The following ATM variants were observed in gnomAD, a reference collection of about 807,000 sequenced individuals.
ATM encodes serine-protein kinase ATM.
A neutral mutation model predicts 387.0 loss-of-function variants in ATM; 308 were observed. That is an observed-to-expected ratio of 0.80 (90% CI 0.73 to 0.87). The LOEUF (loss-of-function observed/expected upper bound fraction) is 0.87. ATM is among the 40% of genes least tolerant of loss of function. The probability of loss-of-function intolerance (pLI) is 0.00; values close to 1 mark genes in which losing one functional copy is unlikely to be tolerated. For missense variants in ATM, 3,312 were observed against 3,560.9 expected (o/e 0.93, Z 1.78); for synonymous variants, 1,156 against 1,187.3 (o/e 0.97, Z 0.54).
In ATM at chr11:108,365,423, G is replaced by T. The variant is rs201199629; in HGVS notation, c.9086G>T (p.Gly3029Val). Residue 3029 changes from glycine (G) to valine (V), a missense_variant, in exon 63 of 63, where the codon GGT becomes GTT. Physicochemically the swap from Gly to Val is moderately radical, Grantham distance 109. Transcript: ENST00000675843. ...GAAGAAGGCACTGTGCTCAGTGTTG[G>T]TGGACAAGTGAATTTGCTCATACAG... ...GVEEGTVLSV[G>V]GQVNLLIQQA... is the part of the protein sequence containing the mutation. 1.2e-6 allele frequency: 2 copies of T among 1,614,180 alleles called. No individual in the cohort carries two copies. Among genetic ancestry groups the T allele is most frequent in the Non-Finnish European group, 1.7e-6 (2 of 1,180,034 alleles).
rs770270310 is a variant in ATM at position 108,244,104 on chromosome 11, T to C, written c.648T>C (p.Ala216=). Residue 216 remains alanine (A), a synonymous_variant, in exon 6 of 63, where the codon GCT becomes GCC. Coordinates refer to ENST00000675843, the MANE Select transcript of ATM (RefSeq NM_000051.4). ...NSKFLDFFSK[A]IQCARQEKSS... The stretch of plus-strand genomic sequence containing the variant: ...AATTTTTGGACTTTTTTTCCAAGGC[T>C]ATTCAGTGTGCGAGGTAATCTAATC... 1.9e-6 allele frequency: 3 copies of C among 1,613,880 alleles called. No homozygotes were observed. The highest frequency in any genetic ancestry group is 3.3e-5 in the Admixed American group (2 of 60,002).
chr11:108,305,204 A>G (rs2083625061), intron 37 of ATM, among the ~76,000 whole-genome samples: 1 of 152,218 alleles, frequency 6.6e-6, no homozygotes, highest in Non-Finnish European at 1.5e-5. Flanking sequence ...GGAAAAAACA[A>G]ACACAATCAG....
intron 59 of ATM, among the ~76,000 whole-genome samples, chr11:108,352,940 TATGG>T (rs1436804385): frequency 1.3e-5 from 2 of 152,056 alleles, no homozygotes; most frequent in Non-Finnish European, 2.9e-5. Context: ...GGTGATAGGC[TATGG>T]GAGGGAAATA....
At chr11:108,361,832 T>A (rs375439612) in intron 61 of ATM, among the ~76,000 whole-genome samples, 20 of 151,746 alleles carry the variant, frequency 1.3e-4, no homozygotes, top group South Asian at 6.2e-4. Context: ...TTAGACCTAA[T>A]ACCATAAAAA....
rs587782719 is a variant in ATM at position 108,335,080 on chromosome 11, G to C, written c.8122G>C (p.Asp2708His). 2 of 1,614,116 alleles carry C rather than the reference G, an allele frequency of 1.2e-6. No individual in the cohort carries two copies. The highest frequency in any genetic ancestry group is 1.7e-6 in the Non-Finnish European group (2 of 1,179,996). ...AAAAATAATAGATTGTGTAGGTTCC[G>C]ATGGCAAGGAGAGGAGACAGCTTGT... Reference protein sequence around the residue: ...LPKIIDCVGSDGKERRQLVKG... With the variant: ...LPKIIDCVGSHGKERRQLVKG... Residue 2708 changes from aspartate (D) to histidine (H), a missense_variant, in exon 55 of 63, where the codon GAT (aspartate) becomes CAT (histidine). Asp to His is a moderately conservative substitution (Grantham distance 81). Transcript: ENST00000675843.
rs552105142 is a variant in ATM, at chr11:108,311,873, A to G, written c.5919-538A>G. On this transcript the variant is annotated intron_variant, in intron 39 of 62. Coordinates refer to ENST00000675843, the MANE Select transcript of ATM (RefSeq NM_000051.4). ...CAGAACTGAATGTTATATGTATAAA[A>G]TGCATAAAGTTAAGGCCTTGAAGTA... Among the ~76,000 whole-genome samples, 3 of 152,324 alleles carry G rather than the reference A, an allele frequency of 2.0e-5. No homozygotes were observed. In the South Asian group the frequency reaches 6.2e-4, roughly 32 times the overall value.
intron 38 of ATM, chr11:108,308,991 T>C: frequency 6.6e-7 from 1 of 1,525,812 alleles, no homozygotes; most frequent in Non-Finnish European, 8.8e-7. Flanking sequence ...GGTAGAATGG[T>C]GTTGACATTA....
rs565086962 is a variant in ATM at position 108,330,477 on chromosome 11, C to A, written c.7515+56C>A. 4.4e-5 allele frequency: 68 copies of A among 1,547,858 alleles called. 1 individual carries two copies. In the Middle Eastern group the frequency reaches 5.1e-4, roughly 12 times the overall value. On this transcript the variant is annotated intron_variant, in intron 50 of 62. Coordinates refer to ENST00000675843, the MANE Select transcript of ATM (RefSeq NM_000051.4). Reference sequence around the variant, plus strand: ...TGTGCTTGAAAAACTTAGACATAAGCCCCTTGATGTCAGGAATCGTGTATA... The same window carrying A: ...TGTGCTTGAAAAACTTAGACATAAGACCCTTGATGTCAGGAATCGTGTATA...
At chr11:108,331,608 A>G in intron 51 of ATM, 51 bp downstream of exon 51, 3 of 1,439,696 alleles carry the variant, frequency 2.1e-6, no homozygotes, top group Non-Finnish European at 2.8e-6. Context: ...TTCTATTATT[A>G]CTATATATTA....
At position 108,321,339 on chromosome 11, in the gene ATM, A is replaced by G. The variant is rs1591107186; in HGVS notation, c.6491A>G (p.Glu2164Gly). The change falls in exon 45 of 63, where the codon GAG becomes GGG. Residue 2164 changes from glutamate (E) to glycine (G), a missense_variant. By Grantham distance (98) the Glu-to-Gly change is moderately conservative. Transcript: ENST00000675843. ...EVEEMCKRSL[E>G]SVYSLYPTLS... ...GAAGAGATGTGTAAGCGCAGCCTTG[A>G]GTCTGTGTATTCGCTCTATCCCACA... 6.2e-7 allele frequency: 1 copy of G among 1,614,130 alleles called. No individual in the cohort carries two copies.
rs1565357249 is a variant in ATM, at chr11:108,235,790, C to T, written c.452C>T (p.Ser151Phe). 1 of 1,613,884 alleles carries T rather than the reference C, an allele frequency of 6.2e-7. No homozygotes were observed. The highest frequency in any genetic ancestry group is 8.5e-7 in the Non-Finnish European group (1 of 1,179,884). The change falls in exon 5 of 63, where the codon TCT (serine) becomes TTT (phenylalanine). Residue 151 changes from serine (S) to phenylalanine (F), a missense_variant. Physicochemically the swap from Ser to Phe is radical, Grantham distance 155. Around this residue, in one of 4 missense-constraint regions of ATM, gnomAD observed 1,791 missense variants for 1,804.5 expected, o/e 0.99. Transcript: ENST00000675843. ...AACATACTACTCAAAGACATTCTTT[C>T]TGTGAGAAAATACTGGTGTGAAATA... Reference protein sequence around the residue: ...CSNILLKDILSVRKYWCEISQ... With the variant: ...CSNILLKDILFVRKYWCEISQ...
At chr11:108,293,794 C>T (rs2082947641) in intron 31 of ATM, among the ~76,000 whole-genome samples, 1 of 150,198 alleles carries the variant, frequency 6.7e-6, no homozygotes, top group South Asian at 2.1e-4. Context: ...GGAAGGATCA[C>T]CTGAGCCCTG....
In ATM at chr11:108,312,499, G is replaced by C. The variant is rs786202016; in HGVS notation, c.6006+1G>C. 4.5e-6 allele frequency: 7 copies of C among 1,542,256 alleles called. No homozygotes were observed. The highest frequency in any genetic ancestry group is 6.3e-6 in the Non-Finnish European group (7 of 1,115,182). On this transcript the variant is annotated splice_donor_variant, in intron 40 of 62. Transcript: ENST00000675843. LOFTEE classifies it high-confidence loss of function. ...AGAAGAAACTGGAATAAGTTTACAGGTAAATATTAGAGGCTCTATTATTTA... is the reference window on the plus strand; with the variant it reads ...AGAAGAAACTGGAATAAGTTTACAGCTAAATATTAGAGGCTCTATTATTTA...
rs539349873 is a variant in ATM, at chr11:108,283,335, A to G, written c.3746+456A>G. Among the ~76,000 whole-genome samples the G allele has an allele frequency of 3.9e-4, 59 of 152,350 alleles. No homozygotes were observed. In the South Asian group the frequency reaches 6.6e-3, roughly 17 times the overall value. On this transcript the variant is annotated intron_variant, in intron 25 of 62. Transcript: ENST00000675843. Reference sequence around the variant, plus strand: ...TACTTCTATTAGATTTAGAAACTTAATGTAAAACTTTATTTTGCTAACTTT... The same window carrying G: ...TACTTCTATTAGATTTAGAAACTTAGTGTAAAACTTTATTTTGCTAACTTT...
At chr11:108,336,124 C>G in intron 56 of ATM, 163 bp downstream of exon 56, 1 of 587,364 alleles carries the variant, frequency 1.7e-6, no homozygotes, top group South Asian at 2.0e-5. Flanking sequence ...TAGTGAGACC[C>G]CATCTTGACA....
At chr11:108,295,207 A>G (rs923690865) in intron 32 of ATM, 148 bp downstream of exon 32, 26 of 941,390 alleles carry the variant, frequency 2.8e-5, no homozygotes, top group Non-Finnish European at 4.0e-5. Context: ...TAACTGTAAA[A>G]CTGGTCCTAA....
intron 59 of ATM, 112 bp from the exon 60 acceptor site, chr11:108,353,654 C>G: frequency 1.2e-6 from 1 of 840,710 alleles, no homozygotes; most frequent in East Asian, 2.5e-5. Flanking sequence ...TACTAGTGTT[C>G]ATAGAACGTA....
chr11:108,349,425 G>A (rs111948358), intron 59 of ATM, among the ~76,000 whole-genome samples: 3 of 152,272 alleles, frequency 2.0e-5, no homozygotes, highest in Admixed American at 6.5e-5. Context: ...AACACTTTGG[G>A]AGGCCAAGGC....
At chr11:108,340,742 C>G (rs969119529) in intron 56 of ATM, among the ~76,000 whole-genome samples, 11 of 152,140 alleles carry the variant, frequency 7.2e-5, no homozygotes, top group Non-Finnish European at 1.5e-5. Context: ...CCAGAGCCCC[C>G]TGTGGATACT....
Sources: allele counts gnomAD v4.1 joint callset (sites outside exome capture counted in the v4.1 genomes callset), GRCh38; gene constraint gnomAD v4.1.1; regional missense constraint gnomAD v4.1.1; transcripts MANE v1.5; gene names NCBI Gene and HGNC (gene_info 2026-07-23, HGNC 2026-07-21).